Variants in CCDC150 observed in about 807,000 individuals in gnomAD.
CCDC150 encodes the protein coiled-coil domain-containing protein 150.
CCDC150 carries 151 observed loss-of-function variants against 156.5 expected under a neutral mutation model. That is an observed-to-expected ratio of 0.97 (90% CI 0.85 to 1.10). The LOEUF (loss-of-function observed/expected upper bound fraction) is 1.10. Among genes scored for constraint, CCDC150 ranks in the 50% least tolerant of loss-of-function variants. The pLI, the probability that CCDC150 is intolerant of heterozygous loss-of-function variation, is 0.00. For synonymous variants in CCDC150, 452 were observed against 429.4 expected, an observed-to-expected ratio of 1.05 and a Z score of -0.65; for missense variants, 1,312 against 1,268.1, an observed-to-expected ratio of 1.03 and a Z score of -0.53.
chr2:196,729,660 T>A lies in CCDC150; in HGVS notation c.2752-133T>A, dbSNP rs1474539609. Reference sequence around the variant, plus strand: ...GCTCTTTTGGGATCAGTGGGCTAGATGGGAAAGAAAGCTCAGCAGGAACTG... The same window carrying A: ...GCTCTTTTGGGATCAGTGGGCTAGAAGGGAAAGAAAGCTCAGCAGGAACTG... On this transcript the variant is annotated intron_variant, in intron 23 of 27. Coordinates refer to ENST00000389175, the MANE Select transcript of CCDC150 (RefSeq NM_001080539.2). 15 of 711,766 alleles carry A rather than the reference T, an allele frequency of 2.1e-5. 1 individual carries two copies. Among genetic ancestry groups the A allele is most frequent in the Non-Finnish European group, 3.3e-5 (14 of 423,762 alleles). The allele number at this position is 711,766 out of a possible 1,614,324, so 44.1% of individuals were successfully genotyped here. A position where few individuals can be genotyped will look rare whatever the true frequency, so the allele number is the denominator to read the frequency against.
At chr2:196,676,455 C>T in intron 11 of CCDC150, 99 bp from the exon 12 acceptor site, 1 of 1,313,658 alleles carries the variant, frequency 7.6e-7, no homozygotes. Context: ...GGTAACTACT[C>T]TCAGTCAGGA....
At chr2:196,666,108 C>T (rs1354433534) in intron 6 of CCDC150, among the ~76,000 whole-genome samples, 3 of 152,152 alleles carry the variant, frequency 2.0e-5, no homozygotes, top group African/African-American at 7.2e-5. Context: ...ACACTGGAAG[C>T]ATATCAATAA....
At chr2:196,708,136 A>G (rs996690145) in intron 15 of CCDC150, among the ~76,000 whole-genome samples, 2 of 152,040 alleles carry the variant, frequency 1.3e-5, no homozygotes, top group Non-Finnish European at 2.9e-5. Flanking sequence ...ATTGTGTGGG[A>G]GTCTAAGTCT....
At chr2:196,726,777 T>C (rs891543049) in intron 22 of CCDC150, 3 of 152,214 alleles carry the variant, frequency 2.0e-5, no homozygotes, top group African/African-American at 7.2e-5. Flanking sequence ...CCTTTCTTGA[T>C]TAGAGCAGAG....
intron 16 of CCDC150, 77 bp from the exon 17 acceptor site, chr2:196,712,600 A>C: frequency 3.2e-6 from 3 of 924,668 alleles, no homozygotes; most frequent in Non-Finnish European, 5.2e-6. Context: ...AGCAGTGAGA[A>C]ATGCTTTCAT....
At chr2:196,710,045 G>A (rs888113482) in intron 15 of CCDC150, among the ~76,000 whole-genome samples, 1 of 152,256 alleles carries the variant, frequency 6.6e-6, no homozygotes, top group Non-Finnish European at 1.5e-5. Context: ...TCTCTTCAGA[G>A]CTGTCAGACA....
chr2:196,711,340 G>A (rs530585068), intron 15 of CCDC150, among the ~76,000 whole-genome samples: 2 of 152,252 alleles, frequency 1.3e-5, no homozygotes, highest in African/African-American at 4.8e-5. Flanking sequence ...TGCTGAAAAT[G>A]TCCAGTAGCT....
At chr2:196,644,092 C>G (rs1692393936) in intron 1 of CCDC150, among the ~76,000 whole-genome samples, 1 of 152,040 alleles carries the variant, frequency 6.6e-6, no homozygotes, top group Non-Finnish European at 1.5e-5. Context: ...CAGGTGCCAT[C>G]ATTACTCTTT....
chr2:196,712,876 C>G (rs773812395), intron 17 of CCDC150, 137 bp downstream of exon 17: 40 of 645,418 alleles, frequency 6.2e-5, no homozygotes, highest in Non-Finnish European at 1.0e-4. Flanking sequence ...AAGAACATAC[C>G]CCAGGAAGGT....
intron 13 of CCDC150, among the ~76,000 whole-genome samples, chr2:196,680,300 G>A (rs1694739903): frequency 6.6e-6 from 1 of 151,774 alleles, no homozygotes; most frequent in African/African-American, 2.4e-5. Context: ...ATTGTTCAGG[G>A]TTCATTTCAT....
chr2:196,729,838 T>C lies in CCDC150; in HGVS notation c.2797T>C (p.Tyr933His), dbSNP rs760174209. ...LKQMELIKDQ[Y>H]QKKNYEQSLS... The stretch of plus-strand genomic sequence containing the variant: ...GCAAATGGAGCTAATTAAGGATCAA[T>C]ATCAGAAAAAGAACTATGAACAGGT... The change falls in exon 24 of 28, where the codon TAT (tyrosine) becomes CAT (histidine). Residue 933 changes from tyrosine (Y) to histidine (H), a missense_variant. Coordinates refer to ENST00000389175, the MANE Select transcript of CCDC150 (RefSeq NM_001080539.2). 55 of 1,597,458 alleles carry C rather than the reference T, an allele frequency of 3.4e-5. No homozygotes were observed. The highest frequency in any genetic ancestry group is 6.8e-6 in the Non-Finnish European group (8 of 1,168,714).
At chr2:196,700,512 A>G (rs914040102) in intron 14 of CCDC150, among the ~76,000 whole-genome samples, 1 of 152,234 alleles carries the variant, frequency 6.6e-6, no homozygotes, top group African/African-American at 2.4e-5. Flanking sequence ...AGGATATGAA[A>G]AAATAACTGT....
At chr2:196,712,044 G>T (rs1697158434) in intron 15 of CCDC150, 101 bp from the exon 16 acceptor site, 88 of 304,920 alleles carry the variant, frequency 2.9e-4, no homozygotes, top group Middle Eastern at 9.7e-4. Context: ...TACAACTCAT[G>T]ACCCTTTTTC....
intron 9 of CCDC150, among the ~76,000 whole-genome samples, chr2:196,673,728 C>T (rs1694338843): frequency 6.6e-6 from 1 of 152,146 alleles, no homozygotes; most frequent in African/African-American, 2.4e-5. Context: ...TAACTACCTA[C>T]ATATATGATA....
intron 21 of CCDC150, among the ~76,000 whole-genome samples, chr2:196,724,847 T>C (rs1322979722): frequency 6.6e-6 from 1 of 152,046 alleles, no homozygotes; most frequent in South Asian, 2.1e-4. Flanking sequence ...TGGGGAGGAG[T>C]GTGGGAATAT....
intron 2 of CCDC150, among the ~76,000 whole-genome samples, chr2:196,653,430 A>G (rs1692995422): frequency 6.6e-6 from 1 of 152,192 alleles, no homozygotes; most frequent in Non-Finnish European, 1.5e-5. Flanking sequence ...TTAAATCCAG[A>G]TTTCCACAGA....
intron 5 of CCDC150, among the ~76,000 whole-genome samples, chr2:196,665,117 C>G (rs1575783616): frequency 6.6e-6 from 1 of 152,068 alleles, no homozygotes; most frequent in East Asian, 1.9e-4. Context: ...AAAATACACA[C>G]TAAGGTAAGA....
intron 3 of CCDC150, 41 bp downstream of exon 3, chr2:196,656,894 G>T (rs1254854248): frequency 6.2e-7 from 1 of 1,610,658 alleles, no homozygotes; most frequent in South Asian, 1.1e-5. Context: ...TCCTGTATAG[G>T]TGCTTGATTT....
At chr2:196,704,916 G>T (rs1249026971) in intron 15 of CCDC150, among the ~76,000 whole-genome samples, 1 of 152,178 alleles carries the variant, frequency 6.6e-6, no homozygotes, top group Non-Finnish European at 1.5e-5. Context: ...ATTGAATGGT[G>T]TATATGTGCC....
Sources: gnomAD v4.1 joint callset for allele counts (sites outside exome capture counted in the v4.1 genomes callset) on GRCh38, gnomAD v4.1.1 for gene constraint, MANE v1.5 for transcripts, NCBI Gene and HGNC (gene_info 2026-07-23, HGNC 2026-07-21) for gene names.